CEP120: variants seen among roughly 807,000 people sequenced by gnomAD.
CEP120 encodes the protein centrosomal protein of 120 kDa.
In CEP120, 113 loss-of-function variants were observed where a neutral mutation model predicts 126.5. The observed-to-expected ratio is 0.89, with a 90% confidence interval of 0.77 to 1.04. The LOEUF (loss-of-function observed/expected upper bound fraction) is 1.04. Ranked by LOEUF, CEP120 falls within the 50% of genes least tolerant of loss-of-function variation. The pLI, the probability that CEP120 is intolerant of heterozygous loss-of-function variation, is 0.00. For synonymous variants in CEP120, 400 were observed against 394.3 expected (o/e 1.01, Z -0.17); for missense variants, 1,230 against 1,155.7 (o/e 1.06, Z -0.93).
At chr5:123,385,557 T>C (rs762775188) in intron 10 of CEP120, among the ~76,000 whole-genome samples, 2 of 151,928 alleles carry the variant, frequency 1.3e-5, no homozygotes, top group African/African-American at 4.8e-5. Context: ...CACACAACAA[T>C]AGAATTATCT....
Position 123,378,439 on chromosome 5 carries a change from GT to G in CEP120, c.2104-12del, listed in dbSNP as rs774920953. On this transcript the variant is annotated splice_polypyrimidine_tract_variant and intron_variant, in intron 14 of 19. Transcript: ENST00000306467. ...AGTATATTCAGCCACCTAAAATATA[GT>G]AAAAAAAAAAAAAAAAAAGTTACCT... is the stretch of plus-strand genomic sequence containing the variant. 2 of 872,668 alleles carry G rather than the reference GT, an allele frequency of 2.3e-6. No homozygotes were observed. Among genetic ancestry groups the G allele is most frequent in the South Asian group, 4.0e-5 (2 of 49,842 alleles). The allele number at this position is 872,668 out of a possible 1,614,324, so 54.1% of individuals were successfully genotyped here.
At position 123,393,510 on chromosome 5, in the gene CEP120, G is replaced by A. The variant is rs769146217; in HGVS notation, c.613-13C>T. 2 of 1,605,604 alleles carry A rather than the reference G, an allele frequency of 1.2e-6. No individual in the cohort carries two copies. Among genetic ancestry groups the A allele is most frequent in the Non-Finnish European group, 1.7e-6 (2 of 1,173,478 alleles). ...TACATGGAATTAACTAAACATTTCAGGAAAAAGAAAACAGTTATTACTTTC... is the reference window on the plus strand; with the variant it reads ...TACATGGAATTAACTAAACATTTCAAGAAAAAGAAAACAGTTATTACTTTC... On this transcript the variant is annotated splice_polypyrimidine_tract_variant and intron_variant, in intron 5 of 19. Transcript: ENST00000306467.
At chr5:123,404,908 A>C (rs1773539254) in intron 4 of CEP120, among the ~76,000 whole-genome samples, 1 of 152,216 alleles carries the variant, frequency 6.6e-6, no homozygotes, top group Non-Finnish European at 1.5e-5. Flanking sequence ...TGTAATCACA[A>C]AATATTATAG....
chr5:123,356,707 T>C (rs779377611), intron 18 of CEP120, among the ~76,000 whole-genome samples: 5 of 152,076 alleles, frequency 3.3e-5, no homozygotes, highest in Non-Finnish European at 5.9e-5. Context: ...AGAACCTAAT[T>C]AGGACCCTTT....
chr5:123,387,421 T>C (rs1580694182), intron 9 of CEP120, among the ~76,000 whole-genome samples: 2 of 152,188 alleles, frequency 1.3e-5, no homozygotes, highest in Non-Finnish European at 2.9e-5. Flanking sequence ...CTACAGGATT[T>C]AGTGATTAAA....
At chr5:123,391,642 A>G (rs1429778649) in intron 6 of CEP120, among the ~76,000 whole-genome samples, 1 of 152,144 alleles carries the variant, frequency 6.6e-6, no homozygotes, top group Non-Finnish European at 1.5e-5. Flanking sequence ...TTAATATTTT[A>G]CTATAACAAA....
chr5:123,401,787 C>T lies in CEP120; in HGVS notation c.464-2503G>A, dbSNP rs552896661. On this transcript the variant is annotated intron_variant, in intron 4 of 19. Coordinates refer to ENST00000306467, the MANE Select transcript of CEP120 (RefSeq NM_001375405.1). The stretch of plus-strand genomic sequence containing the variant: ...GACAAATTCATTCTCCATCTCTGCA[C>T]GCTTATTGATCTCATCCTCATACTT... 5.0e-5 allele frequency: 63 copies of T among 1,270,642 alleles called. No homozygotes were observed. The East Asian group carries it at 6.9e-4, about 14-fold the overall frequency. 78.7% of individuals were successfully genotyped at this position (1,270,642 alleles called of 1,614,324 possible). A position where few individuals can be genotyped will look rare whatever the true frequency, so the allele number is the denominator to read the frequency against.
Position 123,399,192 on chromosome 5 carries a change from AGT to A in CEP120, c.554_555del (p.Tyr185LeufsTer3). 6.2e-7 allele frequency: 1 copy of A among 1,613,968 alleles called. No homozygotes were observed. Among genetic ancestry groups the A allele is most frequent in the Non-Finnish European group, 8.5e-7 (1 of 1,179,832 alleles). ...ACTGACATAATAAAGGAGTCAGTAC[AGT>A]ATTCTGCTGGTCCAATCTGATGGTA... ...GGYHQIGPAE[Y>X]CTDSFIMSVT... On this transcript the variant is annotated frameshift_variant, in exon 5 of 20. Transcript: ENST00000306467. LOFTEE classifies it high-confidence loss of function.
At position 123,389,974 on chromosome 5, in the gene CEP120, C is replaced by G. The variant is rs1772283454; in HGVS notation, c.1205G>C (p.Ser402Thr). 1.2e-6 allele frequency: 2 copies of G among 1,614,044 alleles called. No homozygotes were observed. The highest frequency in any genetic ancestry group is 1.7e-6 in the Non-Finnish European group (2 of 1,180,026). The change falls in exon 8 of 20, where the codon AGT becomes ACT. Residue 402 changes from serine (S) to threonine (T), a missense_variant. Transcript: ENST00000306467. ...SPPTKDDATE[S>T]EVESLQYDKD... is the part of the protein sequence containing the mutation. ...ATCATACTGTAAACTTTCCACTTCA[C>G]TTTCTGTTGCATCATCTTTTGTTGG...
Position 123,423,061 on chromosome 5 carries a change from G to T in CEP120, c.-63C>A. 7.1e-7 allele frequency: 1 copy of T among 1,408,886 alleles called. No homozygotes were observed. Among genetic ancestry groups the T allele is most frequent in the Non-Finnish European group, 1.0e-6 (1 of 996,850 alleles). 87.3% of individuals were successfully genotyped at this position (1,408,886 alleles called of 1,614,324 possible). ...GGGAAGTGAGGTCCAGTTGAGTCGC[G>T]GGTAATCCGGGACCCCCGGCGGGAC... On this transcript the variant is annotated 5_prime_UTR_variant, in exon 1 of 20. Coordinates refer to ENST00000306467, the MANE Select transcript of CEP120 (RefSeq NM_001375405.1).
At chr5:123,348,027 T>C (rs1254693854) in intron 19 of CEP120, among the ~76,000 whole-genome samples, 1 of 152,180 alleles carries the variant, frequency 6.6e-6, no homozygotes, top group Non-Finnish European at 1.5e-5. Flanking sequence ...TTACCAGTAC[T>C]GAATACTGAA....
intron 2 of CEP120, 32 bp from the exon 3 acceptor site, chr5:123,416,156 T>G: frequency 1.1e-4 from 148 of 1,312,036 alleles, no homozygotes; most frequent in Middle Eastern, 1.9e-4. Context: ...ATAAAATGGT[T>G]TTTGCTTAAT....
Position 123,402,536 on chromosome 5 carries a change from T to A in CEP120, c.464-3252A>T, listed in dbSNP as rs546422884. Among the ~76,000 whole-genome samples, 3 of 152,214 alleles carry A rather than the reference T, an allele frequency of 2.0e-5. No individual in the cohort carries two copies. The South Asian group carries it at 6.2e-4, about 32-fold the overall frequency. On this transcript the variant is annotated intron_variant, in intron 4 of 19. Transcript: ENST00000306467. ...AAGCAATTCTGCTGCCTCCGCCTCC[T>A]GAGTAGCTGGGATTACAGGCTTGTG...
At position 123,421,838 on chromosome 5, in the gene CEP120, G is replaced by A. The variant is rs564847276; in HGVS notation, c.49+1112C>T. On this transcript the variant is annotated intron_variant, in intron 1 of 19. Coordinates refer to ENST00000306467, the MANE Select transcript of CEP120 (RefSeq NM_001375405.1). ...AATAAGTAAACTAACAGTTAATAGT[G>A]CTCCAAATCTTTATGGCTTTTCTGG... is the stretch of plus-strand genomic sequence containing the variant. Among the ~76,000 whole-genome samples, 30 of 152,246 alleles carry A rather than the reference G, an allele frequency of 2.0e-4. No individual in the cohort carries two copies. In the South Asian group the frequency reaches 5.6e-3, roughly 28 times the overall value.
intron 5 of CEP120, 119 bp from the exon 6 acceptor site, chr5:123,393,616 G>C (rs549832938): frequency 1.3e-6 from 1 of 768,932 alleles, no homozygotes; most frequent in African/African-American, 1.8e-5. Context: ...TGTCTTAACC[G>C]CTCAAATAAA....
intron 4 of CEP120, among the ~76,000 whole-genome samples, chr5:123,408,785 A>G (rs960814043): frequency 6.6e-6 from 1 of 152,208 alleles, no homozygotes; most frequent in African/African-American, 2.4e-5. Context: ...GCATCATCCT[A>G]ATACCAAAAT....
In CEP120 at chr5:123,364,593, A is replaced by T; in HGVS notation, c.2483T>A (p.Val828Asp). The change falls in exon 18 of 20, where the codon GTT becomes GAT. Residue 828 changes from valine (V) to aspartate (D), a missense_variant and splice_region_variant. Val to Asp is a radical substitution (Grantham distance 152). Transcript: ENST00000306467. ...AGATTCCAACTTTCTTTCAAGTTCAACCTAACAGTGATTAAAATCATATCA... is the reference window on the plus strand; with the variant it reads ...AGATTCCAACTTTCTTTCAAGTTCATCCTAACAGTGATTAAAATCATATCA... ...SEINLLTLEK[V>D]ELERKLESAT... The T allele has an allele frequency of 6.3e-7, 1 of 1,587,052 alleles. No individual in the cohort carries two copies. Among genetic ancestry groups the T allele is most frequent in the Non-Finnish European group, 8.6e-7 (1 of 1,160,506 alleles).
intron 4 of CEP120, chr5:123,401,255 G>C: frequency 6.2e-7 from 1 of 1,611,208 alleles, no homozygotes. Flanking sequence ...TGTCCTGCTT[G>C]GCCCGCTGCA....
intron 16 of CEP120, among the ~76,000 whole-genome samples, chr5:123,374,442 A>T (rs537023026): frequency 3.2e-4 from 48 of 152,244 alleles, no homozygotes; most frequent in Admixed American, 3.3e-4. Flanking sequence ...AGTTTCAAAA[A>T]TTTTTAAAAA....
Sources: gnomAD v4.1 joint callset for allele counts (sites outside exome capture counted in the v4.1 genomes callset) on GRCh38, gnomAD v4.1.1 for gene constraint, MANE v1.5 for transcripts, NCBI Gene and HGNC (gene_info 2026-07-23, HGNC 2026-07-21) for gene names.